NBPF11: variants seen among roughly 807,000 people sequenced by gnomAD.
NBPF11 encodes the protein NBPF member 11, also known as NBPF family member NBPF11.
In NBPF11, 72 loss-of-function variants were observed where a neutral mutation model predicts 93.9. The observed-to-expected ratio is 0.77, with a 90% CI of 0.63 to 0.93. NBPF11 has a LOEUF of 0.93. NBPF11 is among the 40% of genes least tolerant of loss of function. The pLI is 0.00. For missense variants in NBPF11, 705 were observed against 802.2 expected, an observed-to-expected ratio of 0.88 and a Z score of 1.46; for synonymous variants, 224 against 304.9, an observed-to-expected ratio of 0.73 and a Z score of 2.76.
intron 1 of NBPF11, among the ~76,000 whole-genome samples, chr1:148,151,327 TC>T (rs1408817955): frequency 6.6e-5 from 10 of 151,784 alleles, no homozygotes; most frequent in Non-Finnish European, 1.3e-4. Context: ...AGGAGCAGAA[TC>T]CCGGAGGCCA....
At chr1:148,118,345 T>C (rs1391602255) in intron 11 of NBPF11, among the ~76,000 whole-genome samples, 1 of 151,866 alleles carries the variant, frequency 6.6e-6, no homozygotes, top group African/African-American at 2.4e-5. Context: ...TGCTGTGTGG[T>C]TCACACTCCT....
intron 16 of NBPF11, 146 bp from the exon 17 acceptor site, chr1:148,109,481 G>A (rs1286064788): frequency 4.2e-6 from 3 of 715,942 alleles, no homozygotes; most frequent in Non-Finnish European, 7.5e-6. Flanking sequence ...CAGTAGGCCT[G>A]AGGTCAAGTC....
chr1:148,134,371 G>C (rs1439514347), intron 4 of NBPF11, among the ~76,000 whole-genome samples: 1 of 150,498 alleles, frequency 6.6e-6, no homozygotes, highest in African/African-American at 2.5e-5. Context: ...TCACTTCCAG[G>C]CTCCATCGGG....
At chr1:148,123,020 T>C (rs1250254282) in intron 7 of NBPF11, among the ~76,000 whole-genome samples, 2 of 151,960 alleles carry the variant, frequency 1.3e-5, no homozygotes, top group African/African-American at 4.8e-5. Flanking sequence ...GGCCAAATAC[T>C]GAAAAGACCT....
chr1:148,131,352 A>G (rs1415093052), intron 4 of NBPF11, among the ~76,000 whole-genome samples: 1 of 151,660 alleles, frequency 6.6e-6, no homozygotes, highest in Non-Finnish European at 1.5e-5. Context: ...GCCTCCACAG[A>G]CAAGTTTATT....
At chr1:148,126,372 C>T (rs1432017288) in intron 5 of NBPF11, among the ~76,000 whole-genome samples, 8 of 151,260 alleles carry the variant, frequency 5.3e-5, no homozygotes, top group African/African-American at 1.7e-4. Flanking sequence ...TCTTGAAGCC[C>T]CTCAGAGCAG....
chr1:148,124,684 T>C (rs1171599672), intron 6 of NBPF11, among the ~76,000 whole-genome samples: 6 of 151,910 alleles, frequency 3.9e-5, no homozygotes, highest in African/African-American at 9.7e-5. Flanking sequence ...CAATTACTTG[T>C]TTGAAAAAGA....
At chr1:148,106,847 G>C (rs1383645956) in intron 20 of NBPF11, 95 bp downstream of exon 20, 6 of 808,992 alleles carry the variant, frequency 7.4e-6, no homozygotes, top group Non-Finnish European at 1.3e-5. Context: ...TGGCAATGAA[G>C]TCTCTCGGGT....
intron 17 of NBPF11, among the ~76,000 whole-genome samples, 182 bp from the exon 18 acceptor site, chr1:148,108,836 G>A (rs1179361882): frequency 7.7e-4 from 86 of 111,774 alleles, no homozygotes; most frequent in South Asian, 3.4e-3. Flanking sequence ...AAGGATGAAA[G>A]AGAAAGACAC....
intron 1 of NBPF11, among the ~76,000 whole-genome samples, chr1:148,147,376 C>T (rs1410628884): frequency 4.6e-5 from 7 of 152,064 alleles, no homozygotes; most frequent in Non-Finnish European, 2.9e-5. Context: ...GCTTGGCCAT[C>T]CTGGGGCAGG....
intron 15 of NBPF11, among the ~76,000 whole-genome samples, chr1:148,111,566 G>C (rs1379531707): frequency 6.6e-6 from 1 of 151,342 alleles, no homozygotes; most frequent in Middle Eastern, 3.2e-3. Flanking sequence ...TAAATGACCT[G>C]ATGGAGCTGA....
rs1337761308 is a variant in NBPF11 at position 148,147,996 on chromosome 1, G to T, written c.-549+3754C>A. Among the ~76,000 whole-genome samples, 3 of 152,194 alleles carry T rather than the reference G, an allele frequency of 2.0e-5. No homozygotes were observed. The East Asian group carries it at 5.8e-4, about 29-fold the overall frequency. On this transcript the variant is annotated intron_variant, in intron 1 of 23. Coordinates refer to ENST00000682118, the MANE Select transcript of NBPF11 (RefSeq NM_001385469.3). ...AGAGCGTGCCCAGGGCCTCCACTGGGGATGTGTCCCGTTCGTTTGAGTGGT... is the reference window on the plus strand; with the variant it reads ...AGAGCGTGCCCAGGGCCTCCACTGGTGATGTGTCCCGTTCGTTTGAGTGGT...
chr1:148,125,407 G>A (rs1339926028), intron 5 of NBPF11, among the ~76,000 whole-genome samples: 6 of 151,924 alleles, frequency 3.9e-5, no homozygotes, highest in Non-Finnish European at 8.8e-5. Flanking sequence ...GGGACTGATG[G>A]TTTCCCTTTT....
chr1:148,109,211 G>C, intron 17 of NBPF11, 73 bp downstream of exon 17: 3 of 980,072 alleles, frequency 3.1e-6, no homozygotes, highest in Non-Finnish European at 4.9e-6. Context: ...TTTTCAGCGT[G>C]TACTGTTTTC....
intron 2 of NBPF11, among the ~76,000 whole-genome samples, chr1:148,141,028 T>A (rs1672080050): frequency 6.6e-6 from 1 of 151,966 alleles, no homozygotes; most frequent in Non-Finnish European, 1.5e-5. Flanking sequence ...TTAAACTACA[T>A]AATGCTAGAA....
chr1:148,144,637 G>A (rs1239478095), intron 1 of NBPF11, among the ~76,000 whole-genome samples: 5 of 151,880 alleles, frequency 3.3e-5, no homozygotes, highest in Admixed American at 3.3e-4. Flanking sequence ...AGCTGTAAGA[G>A]ATTTTAGTAC....
chr1:148,145,900 A>C (rs1228759144), intron 1 of NBPF11, among the ~76,000 whole-genome samples: 1 of 151,806 alleles, frequency 6.6e-6, no homozygotes, highest in Non-Finnish European at 1.5e-5. Context: ...AAAATTAGAG[A>C]ATCTCCATTC....
chr1:148,108,048 G>C (rs1457966305), intron 18 of NBPF11, among the ~76,000 whole-genome samples: 2 of 150,538 alleles, frequency 1.3e-5, no homozygotes. Context: ...TCGATTTAAA[G>C]CAAATGCCCC....
At chr1:148,119,392 C>T (rs11239906) in intron 10 of NBPF11, among the ~76,000 whole-genome samples, 7 of 150,668 alleles carry the variant, frequency 4.6e-5, no homozygotes, top group Non-Finnish European at 7.4e-5. Flanking sequence ...AGAAATAGCT[C>T]ATGTAATTCA....
Sources: allele counts gnomAD v4.1 joint callset (sites outside exome capture counted in the v4.1 genomes callset), GRCh38; gene constraint gnomAD v4.1.1; transcripts MANE v1.5; gene names NCBI Gene and HGNC (gene_info 2026-07-23, HGNC 2026-07-21).